The following RPS6KA2 variants were observed in gnomAD, a reference collection of about 807,000 sequenced individuals.
RPS6KA2 encodes ribosomal protein S6 kinase A2.
In RPS6KA2, 42 loss-of-function variants were observed where a neutral mutation model predicts 91.8. That is an observed-to-expected ratio of 0.46 (90% CI 0.36 to 0.59). The LOEUF is 0.59. RPS6KA2 is among the 20% of genes least tolerant of loss of function. The pLI is 0.00. For synonymous variants in RPS6KA2, 414 were observed against 393.6 expected, an observed-to-expected ratio of 1.05 and a Z score of -0.61; for missense variants, 798 against 978.5, an observed-to-expected ratio of 0.82 and a Z score of 2.46.
chr6:166,716,051 A>G (rs1790002574), intron 2 of RPS6KA2, among the ~76,000 whole-genome samples: 1 of 96,754 alleles, frequency 1.0e-5, no homozygotes, highest in East Asian at 2.9e-4. Flanking sequence ...AAAAAAAAAA[A>G]AAAAAAAAAA....
Position 166,649,653 on chromosome 6 carries a change from C to T in RPS6KA2, c.124-110869G>A, listed in dbSNP as rs185437259. Among the ~76,000 whole-genome samples the T allele has an allele frequency of 1.3e-3, 193 of 152,322 alleles. 1 individual carries two copies. The highest frequency in any genetic ancestry group is 4.0e-3 in the African/African-American group (167 of 41,576). Reference sequence around the variant, plus strand: ...ATACCTTACTCACTCATGCAACCCCCACTCCCAGGGCAAGGCCTTGCAGGC... The same window carrying T: ...ATACCTTACTCACTCATGCAACCCCTACTCCCAGGGCAAGGCCTTGCAGGC... On this transcript the variant is annotated intron_variant, in intron 2 of 21. Transcript: ENST00000503859.
intron 3 of RPS6KA2, among the ~76,000 whole-genome samples, chr6:166,516,221 G>A (rs1365995589): frequency 6.6e-6 from 1 of 152,156 alleles, no homozygotes; most frequent in Non-Finnish European, 1.5e-5. Flanking sequence ...CCCCGTTACA[G>A]CCTCCAATAG....
chr6:166,703,152 C>A (rs892737664), intron 2 of RPS6KA2, among the ~76,000 whole-genome samples: 14 of 152,254 alleles, frequency 9.2e-5, no homozygotes, highest in African/African-American at 3.1e-4. Context: ...CCAAGCAATA[C>A]AGGGGCAGTC....
At position 166,495,691 on chromosome 6, in the gene RPS6KA2, T is replaced by C. The variant is rs141233398; in HGVS notation, c.747+2817A>G. Among the ~76,000 whole-genome samples, 37 of 152,216 alleles carry C rather than the reference T, an allele frequency of 2.4e-4. 2 individuals carry two copies. In the East Asian group the frequency reaches 7.0e-3, roughly 29 times the overall value. On this transcript the variant is annotated intron_variant, in intron 8 of 20. Coordinates refer to ENST00000265678, the MANE Select transcript of RPS6KA2 (RefSeq NM_021135.6). The surrounding 1 kb of genome is among the most constrained non-coding windows in gnomAD (Gnocchi z 4.4). ...GCATCTTGGGTAAGGTGACTGGTGT[T>C]TAAGAAACTCCACGTGCCAGGAGAC...
At position 166,448,965 on chromosome 6, in the gene RPS6KA2, G is replaced by T; in HGVS notation, c.1207-116C>A. 7.9e-7 allele frequency: 1 copy of T among 1,270,848 alleles called. No homozygotes were observed. The highest frequency in any genetic ancestry group is 1.1e-6 in the Non-Finnish European group (1 of 907,152). 78.7% of individuals were successfully genotyped at this position (1,270,848 alleles called of 1,614,324 possible). On this transcript the variant is annotated intron_variant, in intron 13 of 20. Transcript: ENST00000265678. The surrounding 1 kb of genome is among the most constrained non-coding windows in gnomAD (Gnocchi z 4.7). ...GGCACCGACTGTGAACTGAGTGTGT[G>T]GAGGCCTGGGAGCTCATGGGTCCCC... is the stretch of plus-strand genomic sequence containing the variant.
intron 13 of RPS6KA2, among the ~76,000 whole-genome samples, chr6:166,450,422 GACC>G (rs1471169635): frequency 7.0e-6 from 1 of 143,720 alleles, no homozygotes; most frequent in Non-Finnish European, 1.5e-5. Flanking sequence ...CCACCACAGG[GACC>G]ACCATGGGGA....
At chr6:166,680,169 G>A (rs1788748406) in intron 2 of RPS6KA2, among the ~76,000 whole-genome samples, 1 of 152,080 alleles carries the variant, frequency 6.6e-6, no homozygotes, top group South Asian at 2.1e-4. Context: ...AGCACTCTGT[G>A]TCTAGCTAAT....
intron 1 of RPS6KA2, among the ~76,000 whole-genome samples, chr6:166,584,385 T>C (rs1785107956): frequency 6.6e-6 from 1 of 152,136 alleles, no homozygotes; most frequent in African/African-American, 2.4e-5. Flanking sequence ...ACACTGGGGG[T>C]TGGAGCTTCC....
At chr6:166,461,193 T>C (rs1181746642) in intron 11 of RPS6KA2, among the ~76,000 whole-genome samples, 1 of 152,210 alleles carries the variant, frequency 6.6e-6, no homozygotes, top group Non-Finnish European at 1.5e-5. Context: ...CCTGAATTAT[T>C]TGCTCATTTC....
At chr6:166,724,230 T>C (rs1790271334) in intron 2 of RPS6KA2, among the ~76,000 whole-genome samples, 1 of 152,192 alleles carries the variant, frequency 6.6e-6, no homozygotes, top group South Asian at 2.1e-4. Flanking sequence ...CTAACAGCAA[T>C]GAGTTAAAGT....
chr6:166,836,595 C>A (rs566512147), intron 2 of RPS6KA2, among the ~76,000 whole-genome samples: 56 of 152,174 alleles, frequency 3.7e-4, no homozygotes, highest in Non-Finnish European at 7.6e-4. Flanking sequence ...GACTTATCTT[C>A]ATCGCTTTCC....
intron 11 of RPS6KA2, among the ~76,000 whole-genome samples, chr6:166,466,902 A>ATTCACTCCCTCACTCC (rs56334257): frequency 6.6e-6 from 1 of 151,376 alleles, no homozygotes. Flanking sequence ...TCACTCCCTC[A>ATTCACTCCCTCACTCC]TTCACTCATT....
At chr6:166,640,180 G>A (rs1036017361) in intron 2 of RPS6KA2, among the ~76,000 whole-genome samples, 3 of 151,488 alleles carry the variant, frequency 2.0e-5, no homozygotes, top group African/African-American at 7.3e-5. Context: ...GAGGAAACAG[G>A]TTACAACTAT....
chr6:166,848,799 A>G (rs1327543711), intron 2 of RPS6KA2, among the ~76,000 whole-genome samples: 1 of 152,172 alleles, frequency 6.6e-6, no homozygotes, highest in Non-Finnish European at 1.5e-5. Flanking sequence ...CACTGGGTAC[A>G]GTGTACACTG....
At position 166,409,522 on chromosome 6, in the gene RPS6KA2, ACTG is replaced by A; in HGVS notation, c.*3237_*3239del. 1 of 152,628 alleles carries A rather than the reference ACTG, an allele frequency of 6.6e-6. No individual in the cohort carries two copies. The highest frequency in any genetic ancestry group is 2.1e-4 in the South Asian group (1 of 4,826). The allele number at this position is 152,628 out of a possible 1,614,324, so 9.5% of individuals were successfully genotyped here. A position where few individuals can be genotyped will look rare whatever the true frequency, so the allele number is the denominator to read the frequency against. Reference sequence around the variant, plus strand: ...AACATAAAAATGATGTGTAAACATAACTGCTGAGCCAGTGAACAAAGTGCTGAG... The same window carrying A: ...AACATAAAAATGATGTGTAAACATAACTGAGCCAGTGAACAAAGTGCTGAG... On this transcript the variant is annotated 3_prime_UTR_variant, in exon 21 of 21. Coordinates refer to ENST00000265678, the MANE Select transcript of RPS6KA2 (RefSeq NM_021135.6).
rs560879581 is a variant in RPS6KA2 at position 166,530,421 on chromosome 6, C to T, written c.298+811G>A. On this transcript the variant is annotated intron_variant, in intron 3 of 20. Transcript: ENST00000265678. Reference sequence around the variant, plus strand: ...GGAACCAGGGGCCACGTGACCCTCCCGTTCCTAGGAAGCCTGCCTCTCACC... The same window carrying T: ...GGAACCAGGGGCCACGTGACCCTCCTGTTCCTAGGAAGCCTGCCTCTCACC... 6.6e-5 allele frequency among the ~76,000 whole-genome samples: 10 copies of T among 152,342 alleles called. No homozygotes were observed. In the South Asian group the frequency reaches 1.7e-3, roughly 25 times the overall value.
rs184370202 is a variant in RPS6KA2 at position 166,429,078 on chromosome 6, C to T, written c.1581+1375G>A. On this transcript the variant is annotated intron_variant, in intron 16 of 20. Coordinates refer to ENST00000265678, the MANE Select transcript of RPS6KA2 (RefSeq NM_021135.6). ...TAGACTGGATTAAGAAAATGTGGCA[C>T]ATGTACACCATGGAATACTATGCAG... Among the ~76,000 whole-genome samples, 829 of 151,960 alleles carry T rather than the reference C, an allele frequency of 5.5e-3. 10 individuals are homozygous for T. Among genetic ancestry groups the T allele is most frequent in the African/African-American group, 0.019 (791 of 41,484 alleles).
rs60958704 is a variant in RPS6KA2, at chr6:166,639,312, C to G, written c.124-100528G>C. Among the ~76,000 whole-genome samples, 10 of 152,210 alleles carry G rather than the reference C, an allele frequency of 6.6e-5. No individual in the cohort carries two copies. The highest frequency in any genetic ancestry group is 2.4e-4 in the African/African-American group (10 of 41,440). ...TCCTTATTCCCTACGTCTCTAGTTACTGAGATTTGTCAACTGTGCCTTCTA... is the reference window on the plus strand; with the variant it reads ...TCCTTATTCCCTACGTCTCTAGTTAGTGAGATTTGTCAACTGTGCCTTCTA... On this transcript the variant is annotated intron_variant, in intron 2 of 21. Coordinates refer to the RPS6KA2 transcript ENST00000503859. The surrounding 1 kb of genome is among the most constrained non-coding windows in gnomAD (Gnocchi z 4.2).
At chr6:166,417,290 A>G (rs372796472) in intron 19 of RPS6KA2, among the ~76,000 whole-genome samples, 7 of 152,300 alleles carry the variant, frequency 4.6e-5, no homozygotes, top group East Asian at 3.9e-4. Context: ...GGTTAATTTT[A>G]TATGTCATCA....
Sources: gnomAD v4.1 joint callset for allele counts (sites outside exome capture counted in the v4.1 genomes callset) on GRCh38, gnomAD v4.1.1 for gene constraint, Gnocchi (gnomAD v3.1) non-coding constraint, MANE v1.5 for transcripts, NCBI Gene and HGNC (gene_info 2026-07-23, HGNC 2026-07-21) for gene names.